MAML3: variants seen among roughly 807,000 people sequenced by gnomAD.
The protein encoded by MAML3 is mastermind-like protein 3.
In MAML3, 27 loss-of-function variants were observed where a neutral mutation model predicts 101.9. That is an observed-to-expected ratio of 0.27 (90% CI 0.20 to 0.37). MAML3 has a LOEUF of 0.37. MAML3 is among the 10% of genes least tolerant of loss of function. MAML3 has a pLI of 1.00. For synonymous variants in MAML3, 501 were observed against 555.9 expected (o/e 0.90, Z 1.39); for missense variants, 1,316 against 1,444.9 (o/e 0.91, Z 1.45).
chr4:139,831,912 C>T (rs1331770127), intron 2 of MAML3, among the ~76,000 whole-genome samples: 1 of 151,760 alleles, frequency 6.6e-6, no homozygotes, highest in Non-Finnish European at 1.5e-5. Context: ...CCTGCCTCAG[C>T]CTCCCAAGTA....
intron 1 of MAML3, among the ~76,000 whole-genome samples, chr4:139,989,844 CAA>C (rs1734624798): frequency 7.6e-6 from 1 of 132,208 alleles, no homozygotes; most frequent in East Asian, 2.1e-4. Flanking sequence ...CCACCACACA[CAA>C]ACAAACACAC....
chr4:139,958,568 T>C (rs76193170), intron 1 of MAML3, among the ~76,000 whole-genome samples: 2 of 152,234 alleles, frequency 1.3e-5, no homozygotes, highest in East Asian at 3.9e-4. Flanking sequence ...AAATGCTCCA[T>C]GAGAGAGGTG....
At chr4:140,000,656 G>A (rs1734906393) in intron 1 of MAML3, among the ~76,000 whole-genome samples, 1 of 152,196 alleles carries the variant, frequency 6.6e-6, no homozygotes, top group Admixed American at 6.5e-5. Context: ...AAGAATGGCG[G>A]TGGGGAACGG....
In MAML3 at chr4:140,153,162, C is replaced by G. The variant is rs1274413474; in HGVS notation, c.166G>C (p.Gly56Arg). The G allele has an allele frequency of 6.4e-7, 1 of 1,551,052 alleles. No homozygotes were observed. Among genetic ancestry groups the G allele is most frequent in the Non-Finnish European group, 8.7e-7 (1 of 1,147,082 alleles). ...SNHPAAGGCG[G>R]SGGPGGGSAA... ...GAACCGCCGCCGGGGCCCCCGGAGC[C>G]GCCGCATCCACCGGCTGCCGGGTGA... The change falls in exon 1 of 5, where the codon GGC (glycine) becomes CGC (arginine). Residue 56 changes from glycine to arginine, a missense_variant. Physicochemically the swap from Gly to Arg is moderately radical, Grantham distance 125. Coordinates refer to ENST00000509479, the MANE Select transcript of MAML3 (RefSeq NM_018717.5).
At chr4:139,938,304 C>G (rs575527329) in intron 1 of MAML3, among the ~76,000 whole-genome samples, 8 of 152,142 alleles carry the variant, frequency 5.3e-5, no homozygotes, top group Admixed American at 3.3e-4. Flanking sequence ...TCGGGGAGAC[C>G]CTACCGACCA....
chr4:140,093,849 A>G (rs1409247702), intron 1 of MAML3, among the ~76,000 whole-genome samples: 1 of 152,092 alleles, frequency 6.6e-6, no homozygotes, highest in Non-Finnish European at 1.5e-5. Context: ...TAGAGGCAGC[A>G]CCTTGGCTGT....
intron 2 of MAML3, among the ~76,000 whole-genome samples, chr4:139,752,785 T>C (rs1437168600): frequency 1.3e-5 from 2 of 152,084 alleles, no homozygotes; most frequent in African/African-American, 4.8e-5. Flanking sequence ...AAAAAAAAGC[T>C]AGAGGCAGGC....
Position 140,152,915 on chromosome 4 carries a change from G to A in MAML3, c.413C>T (p.Pro138Leu). Residue 138 changes from proline to leucine, a missense_variant, in exon 1 of 5, where the codon CCC becomes CTC. Physicochemically the swap from Pro to Leu is moderately conservative, Grantham distance 98 (BLOSUM62 -3). Coordinates refer to ENST00000509479, the MANE Select transcript of MAML3 (RefSeq NM_018717.5). The stretch of plus-strand genomic sequence containing the variant: ...CGAGGCAGCCTCCGCATCTTGCTGG[G>A]GTTTGCTCGGGTGCTGCTGTTTGCC... ...GTGKQQHPSK[P>L]QQDAEAASAE... The A allele has an allele frequency of 6.2e-7, 1 of 1,612,868 alleles. No homozygotes were observed. Among genetic ancestry groups the A allele is most frequent in the Non-Finnish European group, 8.5e-7 (1 of 1,179,726 alleles).
chr4:140,116,427 G>A (rs890102868), intron 1 of MAML3, among the ~76,000 whole-genome samples: 2 of 152,210 alleles, frequency 1.3e-5, no homozygotes, highest in Non-Finnish European at 2.9e-5. Context: ...TCTCTTGCAT[G>A]TTCAGGGCTA....
rs1380223384 is a variant in MAML3 at position 139,719,903 on chromosome 4, G to A, written c.2837C>T (p.Pro946Leu). 6.2e-7 allele frequency: 1 copy of A among 1,614,056 alleles called. No homozygotes were observed. The highest frequency in any genetic ancestry group is 1.7e-5 in the Admixed American group (1 of 60,036). The change falls in exon 5 of 5, where the codon CCT becomes CTT. Residue 946 changes from proline to leucine, a missense_variant. Coordinates refer to ENST00000509479, the MANE Select transcript of MAML3 (RefSeq NM_018717.5). ...VGQALPRPQA[P>L]PRLQSLMGTV... ...TCCCATAAGGCTCTGCAGCCTTGGAGGGGCTTGGGGCCTAGGCAAGGCCTG... is the reference window on the plus strand; with the variant it reads ...TCCCATAAGGCTCTGCAGCCTTGGAAGGGCTTGGGGCCTAGGCAAGGCCTG...
At chr4:139,734,772 T>C (rs1728865537) in intron 2 of MAML3, among the ~76,000 whole-genome samples, 1 of 152,264 alleles carries the variant, frequency 6.6e-6, no homozygotes, top group Non-Finnish European at 1.5e-5. Flanking sequence ...TTCAAGAACA[T>C]GCATAGTGTT....
chr4:139,729,611 C>G (rs1728620877), intron 3 of MAML3, among the ~76,000 whole-genome samples: 1 of 152,190 alleles, frequency 6.6e-6, no homozygotes, highest in African/African-American at 2.4e-5. Flanking sequence ...TGTGCAGACC[C>G]TCACAGAAGC....
In MAML3 at chr4:139,758,828, C is replaced by T. The variant is rs958615755; in HGVS notation, c.2080-28161G>A. Among the ~76,000 whole-genome samples the T allele has an allele frequency of 1.1e-4, 17 of 152,318 alleles. 1 individual carries two copies. The highest frequency in any genetic ancestry group is 6.8e-3 in the Middle Eastern group (2 of 294). On this transcript the variant is annotated intron_variant, in intron 2 of 4. Transcript: ENST00000509479. ...GACCAAACTAAAGTTTCCTGAAGAT[C>T]ACCAGCCACTGACAAATACACCAAG...
chr4:139,800,158 GAA>G (rs1730579362), intron 2 of MAML3, among the ~76,000 whole-genome samples: 1 of 151,856 alleles, frequency 6.6e-6, no homozygotes, highest in Non-Finnish European at 1.5e-5. Flanking sequence ...CTCATACTTA[GAA>G]AAAAATGTTA....
intron 1 of MAML3, among the ~76,000 whole-genome samples, chr4:139,955,529 T>C (rs1359091276): frequency 6.6e-6 from 1 of 152,202 alleles, no homozygotes; most frequent in African/African-American, 2.4e-5. Flanking sequence ...GACTCATGTA[T>C]CAAGTGCTAC....
At chr4:139,777,910 C>T (rs898571019) in intron 2 of MAML3, among the ~76,000 whole-genome samples, 3 of 152,200 alleles carry the variant, frequency 2.0e-5, no homozygotes, top group Non-Finnish European at 4.4e-5. Context: ...GAAAAGCCAG[C>T]TTTGCTCTCT....
At chr4:139,860,622 T>C (rs1286559436) in intron 2 of MAML3, among the ~76,000 whole-genome samples, 3 of 152,186 alleles carry the variant, frequency 2.0e-5, no homozygotes, top group Non-Finnish European at 4.4e-5. Flanking sequence ...CTGGGCCAGG[T>C]GTGACGTCAT....
intron 1 of MAML3, among the ~76,000 whole-genome samples, chr4:140,027,929 T>C (rs1726851721): frequency 6.6e-6 from 1 of 152,228 alleles, no homozygotes; most frequent in Admixed American, 6.5e-5. Flanking sequence ...GAAAAAGCTT[T>C]ATAGATTTAT....
chr4:139,875,258 C>T (rs1406832799), intron 2 of MAML3, among the ~76,000 whole-genome samples: 1 of 152,166 alleles, frequency 6.6e-6, no homozygotes, highest in Non-Finnish European at 1.5e-5. Context: ...ACCCTCCCTA[C>T]GAAGGCAGCT....
Sources: gnomAD v4.1 joint callset for allele counts (sites outside exome capture counted in the v4.1 genomes callset) on GRCh38, gnomAD v4.1.1 for gene constraint, MANE v1.5 for transcripts, NCBI Gene and HGNC (gene_info 2026-07-23, HGNC 2026-07-21) for gene names.